SPATA13: variants seen among roughly 807,000 people sequenced by gnomAD.
SPATA13 encodes the protein spermatogenesis associated 13, also known as spermatogenesis-associated protein 13.
In SPATA13, 50 loss-of-function variants were observed where a neutral mutation model predicts 104.0. The ratio of observed to expected loss-of-function variants is 0.48; its 90% CI spans 0.38 to 0.61. SPATA13 has a LOEUF of 0.61. Among genes scored for constraint, SPATA13 ranks in the 20% least tolerant of loss-of-function variants. The probability of loss-of-function intolerance (pLI) is 0.00; values close to 1 mark genes in which losing one functional copy is unlikely to be tolerated. For synonymous variants in SPATA13, 606 were observed against 667.5 expected (o/e 0.91, Z 1.42); for missense variants, 1,524 against 1,690.6 (o/e 0.90, Z 1.73).
chr13:24,066,093 T>C (rs1447163387), intron 3 of SPATA13, among the ~76,000 whole-genome samples: 1 of 152,234 alleles, frequency 6.6e-6, no homozygotes. Flanking sequence ...TAATTGATTA[T>C]GAATTGTTAA....
At chr13:24,219,003 C>A (rs1258656373) in intron 1 of SPATA13, among the ~76,000 whole-genome samples, 354 of 110,120 alleles carry the variant, frequency 3.2e-3, no homozygotes, top group Middle Eastern at 4.8e-3. Context: ...TCATTATCAC[C>A]AAAAAAAAAA....
upstream of SPATA13, among the ~76,000 whole-genome samples, chr13:24,156,360 G>C (rs1221141720): frequency 6.6e-6 from 1 of 152,072 alleles, no homozygotes; most frequent in African/African-American, 2.4e-5. Flanking sequence ...CCAAACCCAG[G>C]TGTGATGGGG....
chr13:24,035,787 G>A (rs1452185563), intron 3 of SPATA13, among the ~76,000 whole-genome samples: 4 of 152,152 alleles, frequency 2.6e-5, no homozygotes, highest in Admixed American at 2.0e-4. Context: ...GCCAAGGCGG[G>A]TGGATCACTT....
chr13:24,100,570 T>A (rs1399831212), intron 3 of SPATA13, among the ~76,000 whole-genome samples: 2 of 152,210 alleles, frequency 1.3e-5, no homozygotes, highest in East Asian at 3.8e-4. Flanking sequence ...GATGATTGAT[T>A]TGATTTGAGT....
At chr13:24,095,239 A>G (rs1162961767) in intron 3 of SPATA13, among the ~76,000 whole-genome samples, 1 of 152,266 alleles carries the variant, frequency 6.6e-6, no homozygotes, top group East Asian at 1.9e-4. Context: ...TTTCACAAAA[A>G]GAAGAAAAGC....
At chr13:24,225,544 G>A (rs1871886195) in intron 2 of SPATA13, among the ~76,000 whole-genome samples, 2 of 152,184 alleles carry the variant, frequency 1.3e-5, no homozygotes, top group Non-Finnish European at 2.9e-5. Flanking sequence ...AAGCAGGGGG[G>A]CTTGTTTCTG....
At chr13:24,142,770 T>A (rs1046605028) in intron 3 of SPATA13, among the ~76,000 whole-genome samples, 1 of 152,158 alleles carries the variant, frequency 6.6e-6, no homozygotes, top group African/African-American at 2.4e-5. Flanking sequence ...TCTTTTTCTT[T>A]CTCAGGCATT....
At chr13:24,071,687 C>A (rs1471137776) in intron 3 of SPATA13, among the ~76,000 whole-genome samples, 4 of 152,138 alleles carry the variant, frequency 2.6e-5, no homozygotes, top group Non-Finnish European at 5.9e-5. Flanking sequence ...TTTAATGTTC[C>A]TTGCTGGCAT....
At chr13:24,106,960 A>G (rs1007614013) in intron 3 of SPATA13, among the ~76,000 whole-genome samples, 3 of 152,066 alleles carry the variant, frequency 2.0e-5, no homozygotes, top group Non-Finnish European at 4.4e-5. Flanking sequence ...ACACTTGGGG[A>G]ATTGACTGAT....
chr13:24,004,526 G>A (rs1240785170), intron 2 of SPATA13, among the ~76,000 whole-genome samples: 2 of 152,152 alleles, frequency 1.3e-5, no homozygotes, highest in East Asian at 3.9e-4. Flanking sequence ...GCGCAGACGG[G>A]ACTCAGGGAG....
At chr13:24,086,217 AT>A (rs1459185209) in intron 3 of SPATA13, among the ~76,000 whole-genome samples, 1 of 152,230 alleles carries the variant, frequency 6.6e-6, no homozygotes, top group African/African-American at 2.4e-5. Context: ...TGAATTTCAG[AT>A]AAACAACAAA....
At chr13:24,138,138 A>G (rs1252918296) in intron 3 of SPATA13, among the ~76,000 whole-genome samples, 1 of 118,386 alleles carries the variant, frequency 8.4e-6, no homozygotes, top group Middle Eastern at 3.4e-3. Flanking sequence ...CATCTCTTCT[A>G]AAAAAAAAAA....
intron 3 of SPATA13, among the ~76,000 whole-genome samples, chr13:24,030,814 A>G (rs1877444754): frequency 6.6e-6 from 1 of 152,184 alleles, no homozygotes. Flanking sequence ...AGTCTACCAT[A>G]TTGCCAGCAG....
chr13:24,024,717 T>A (rs565950975), intron 3 of SPATA13, among the ~76,000 whole-genome samples: 17 of 151,320 alleles, frequency 1.1e-4, no homozygotes, highest in Non-Finnish European at 2.1e-4. Context: ...ATGTTATATA[T>A]ATAGTAAAAC....
At chr13:24,190,770 CG>C (rs1439168822) in intron 1 of SPATA13, among the ~76,000 whole-genome samples, 3 of 152,092 alleles carry the variant, frequency 2.0e-5, no homozygotes, top group Non-Finnish European at 4.4e-5. Context: ...GCTGTGAACA[CG>C]GTTGAAATGA....
intron 3 of SPATA13, among the ~76,000 whole-genome samples, chr13:24,126,244 T>G (rs368713386): frequency 8.5e-5 from 13 of 152,224 alleles, no homozygotes; most frequent in South Asian, 6.2e-4. Flanking sequence ...CTGTGACCCA[T>G]GATTGAGTCT....
At chr13:24,109,097 T>C (rs1425355177) in intron 3 of SPATA13, among the ~76,000 whole-genome samples, 1 of 152,196 alleles carries the variant, frequency 6.6e-6, no homozygotes. Flanking sequence ...CTCCTAATGC[T>C]ATCCCTCTCC....
At chr13:24,116,775 C>G (rs1201419994) in intron 3 of SPATA13, among the ~76,000 whole-genome samples, 4 of 151,298 alleles carry the variant, frequency 2.6e-5, no homozygotes, top group Non-Finnish European at 5.9e-5. Context: ...ACCAGCCCCC[C>G]CCCCCCAATG....
chr13:24,138,157 A>T (rs2138452918), intron 3 of SPATA13, among the ~76,000 whole-genome samples: 1 of 151,958 alleles, frequency 6.6e-6, no homozygotes, highest in Middle Eastern at 3.4e-3. Context: ...AAATACAAAA[A>T]TTAGCTGGGC....
Sources: gnomAD v4.1 joint callset for allele counts (sites outside exome capture counted in the v4.1 genomes callset) on GRCh38, gnomAD v4.1.1 for gene constraint, MANE v1.5 for transcripts, NCBI Gene and HGNC (gene_info 2026-07-23, HGNC 2026-07-21) for gene names.